Variants in ARSB observed in about 807,000 individuals in gnomAD.
The protein encoded by ARSB is arylsulfatase B, also known as N-acetylgalactosamine-4-sulfatase.
ARSB carries 41 observed loss-of-function variants against 50.9 expected under a neutral mutation model. The ratio of observed to expected loss-of-function variants is 0.81; its 90% confidence interval spans 0.63 to 1.04. ARSB has a LOEUF of 1.04. Ranked by LOEUF, ARSB falls within the 50% of genes least tolerant of loss-of-function variation. ARSB has a pLI of 0.00. For missense variants in ARSB, 672 were observed against 693.3 expected, an observed-to-expected ratio of 0.97 and a Z score of 0.35; for synonymous variants, 269 against 284.8, an observed-to-expected ratio of 0.94 and a Z score of 0.56.
chr5:78,845,286 C>T (rs147753667), intron 5 of ARSB, among the ~76,000 whole-genome samples: 1 of 152,184 alleles, frequency 6.6e-6, no homozygotes, highest in Non-Finnish European at 1.5e-5. Context: ...CACTGATGGA[C>T]CCTTAAGTTG....
At chr5:78,859,134 TGTAAATC>T (rs1746301705) in intron 5 of ARSB, among the ~76,000 whole-genome samples, 1 of 152,210 alleles carries the variant, frequency 6.6e-6, no homozygotes, top group Non-Finnish European at 1.5e-5. Flanking sequence ...ATTTGGTTTG[TGTAAATC>T]CCATGCTTCC....
chr5:78,917,859 G>A (rs1226435668), intron 4 of ARSB, among the ~76,000 whole-genome samples: 1 of 152,278 alleles, frequency 6.6e-6, no homozygotes, highest in East Asian at 1.9e-4. Flanking sequence ...GTTCAAGGGG[G>A]AATCAAGGAA....
At chr5:78,853,273 C>A (rs956658775) in intron 5 of ARSB, among the ~76,000 whole-genome samples, 1 of 152,200 alleles carries the variant, frequency 6.6e-6, no homozygotes, top group South Asian at 2.1e-4. Context: ...TTCCTTCTAA[C>A]AGACAGGACC....
chr5:78,914,018 G>A (rs950389255), intron 4 of ARSB, among the ~76,000 whole-genome samples: 3 of 149,782 alleles, frequency 2.0e-5, no homozygotes, highest in Admixed American at 6.7e-5. Context: ...GCAGGAGTGC[G>A]GTGGTGCAAT....
At chr5:78,842,685 G>A (rs1158390317) in intron 5 of ARSB, among the ~76,000 whole-genome samples, 2 of 151,934 alleles carry the variant, frequency 1.3e-5, no homozygotes, top group Non-Finnish European at 2.9e-5. Flanking sequence ...AATTTGAGTA[G>A]TCTCCAATAA....
chr5:78,930,136 C>T (rs1257032319), intron 4 of ARSB, among the ~76,000 whole-genome samples: 3 of 152,158 alleles, frequency 2.0e-5, no homozygotes, highest in African/African-American at 7.2e-5. Context: ...TCCAGAGGGA[C>T]CTTCAAACAA....
At chr5:78,922,535 A>G (rs958196805) in intron 4 of ARSB, among the ~76,000 whole-genome samples, 2 of 152,042 alleles carry the variant, frequency 1.3e-5, no homozygotes, top group African/African-American at 4.8e-5. Context: ...GGCTCTGAAT[A>G]GTCAGCAGCA....
At chr5:78,978,352 A>G (rs1043115417) in intron 1 of ARSB, among the ~76,000 whole-genome samples, 1 of 130,628 alleles carries the variant, frequency 7.7e-6, no homozygotes, top group African/African-American at 2.8e-5. Flanking sequence ...AAAAAAAAAA[A>G]CCCTCTAAAT....
At chr5:78,832,888 C>T (rs567084725) in intron 6 of ARSB, among the ~76,000 whole-genome samples, 24 of 152,132 alleles carry the variant, frequency 1.6e-4, no homozygotes, top group African/African-American at 3.9e-4. Context: ...CCTGTGTGTG[C>T]GTACGTTTTA....
intron 4 of ARSB, among the ~76,000 whole-genome samples, chr5:78,943,614 C>T (rs1303254438): frequency 2.6e-5 from 4 of 152,234 alleles, no homozygotes; most frequent in African/African-American, 9.6e-5. Flanking sequence ...CCCCCACTGT[C>T]TTCTGGCTTG....
intron 4 of ARSB, among the ~76,000 whole-genome samples, chr5:78,939,896 CA>C (rs1422552754): frequency 4.0e-5 from 6 of 150,444 alleles, no homozygotes; most frequent in Non-Finnish European, 7.4e-5. Flanking sequence ...ATAGTCCCAC[CA>C]ACAGTGTAAA....
At chr5:78,970,414 A>G (rs1422583674) in intron 1 of ARSB, among the ~76,000 whole-genome samples, 1 of 152,154 alleles carries the variant, frequency 6.6e-6, no homozygotes, top group Admixed American at 6.5e-5. Flanking sequence ...GTTTATTACT[A>G]TTTTTCATTG....
chr5:78,963,232 A>G (rs568980039), intron 3 of ARSB, among the ~76,000 whole-genome samples: 4 of 152,194 alleles, frequency 2.6e-5, no homozygotes, highest in Non-Finnish European at 4.4e-5. Flanking sequence ...TTCACCTTCC[A>G]TTATGACTGG....
chr5:78,902,407 C>A (rs1450180467), intron 4 of ARSB, among the ~76,000 whole-genome samples: 2 of 152,036 alleles, frequency 1.3e-5, no homozygotes, highest in Non-Finnish European at 2.9e-5. Flanking sequence ...AGGTATATAC[C>A]CAAGAGAAGT....
At chr5:78,910,178 G>C (rs990417355) in intron 4 of ARSB, among the ~76,000 whole-genome samples, 2 of 152,238 alleles carry the variant, frequency 1.3e-5, no homozygotes, top group Admixed American at 6.5e-5. Flanking sequence ...AGTGAAAATA[G>C]TAATCAATAA....
At chr5:78,838,010 C>G (rs1030340809) in intron 6 of ARSB, among the ~76,000 whole-genome samples, 1 of 152,216 alleles carries the variant, frequency 6.6e-6, no homozygotes, top group African/African-American at 2.4e-5. Flanking sequence ...TGCATCTCAA[C>G]TCTCCAATTG....
intron 5 of ARSB, among the ~76,000 whole-genome samples, chr5:78,849,167 T>C (rs1483528512): frequency 2.6e-5 from 4 of 152,114 alleles, no homozygotes; most frequent in Non-Finnish European, 5.9e-5. Flanking sequence ...TGGTAATGCC[T>C]AGGTTTTCTT....
At chr5:78,966,894 T>C (rs927069462) in intron 2 of ARSB, among the ~76,000 whole-genome samples, 4 of 149,600 alleles carry the variant, frequency 2.7e-5, no homozygotes, top group African/African-American at 9.9e-5. Context: ...TTAACAGCTA[T>C]TTGAGGTACT....
intron 6 of ARSB, among the ~76,000 whole-genome samples, chr5:78,814,243 C>T (rs1479813457): frequency 6.6e-6 from 1 of 150,890 alleles, no homozygotes; most frequent in Admixed American, 6.6e-5. Flanking sequence ...TAATCAGATG[C>T]CATTTGGAGT....
Sources: gnomAD v4.1 joint callset for allele counts (sites outside exome capture counted in the v4.1 genomes callset) on GRCh38, gnomAD v4.1.1 for gene constraint, MANE v1.5 for transcripts, NCBI Gene and HGNC (gene_info 2026-07-23, HGNC 2026-07-21) for gene names.